Variants in NALCN observed in about 807,000 individuals in gnomAD.
NALCN encodes sodium leak channel NALCN.
In NALCN, 111 loss-of-function variants were observed where a neutral mutation model predicts 225.3. That is an observed-to-expected ratio of 0.49 (90% CI 0.42 to 0.58). The LOEUF is 0.58. Among genes scored for constraint, NALCN ranks in the 20% least tolerant of loss-of-function variants. The pLI is 0.00. For missense variants in NALCN, 1,378 were observed against 2,202.4 expected (o/e 0.63, Z 7.49); for synonymous variants, 764 against 769.0 (o/e 0.99, Z 0.11).
chr13:101,185,038 ATCAATGTCCC>A (rs2039391641), intron 14 of NALCN, among the ~76,000 whole-genome samples: 2 of 152,288 alleles, frequency 1.3e-5, no homozygotes, highest in African/African-American at 4.8e-5. Flanking sequence ...CACAGCAGGA[ATCAATGTCCC>A]ACACTCTTGT....
intron 17 of NALCN, among the ~76,000 whole-genome samples, chr13:101,132,978 A>C (rs767150463): frequency 3.3e-5 from 5 of 152,174 alleles, no homozygotes; most frequent in Non-Finnish European, 7.4e-5. Context: ...ACTGAAAGAG[A>C]TCAATACATT....
At chr13:101,360,125 CTTT>C (rs1417365159) in intron 6 of NALCN, among the ~76,000 whole-genome samples, 1 of 138,946 alleles carries the variant, frequency 7.2e-6, no homozygotes. Context: ...TCTTTCCTTT[CTTT>C]TTTCTTTCTT....
At chr13:101,196,466 G>A (rs1209369183) in intron 13 of NALCN, among the ~76,000 whole-genome samples, 1 of 152,000 alleles carries the variant, frequency 6.6e-6, no homozygotes, top group Non-Finnish European at 1.5e-5. Flanking sequence ...TTCCACAGTT[G>A]CCAAAATTTC....
intron 2 of NALCN, among the ~76,000 whole-genome samples, chr13:101,397,281 A>G (rs1165437199): frequency 6.6e-6 from 1 of 150,386 alleles, no homozygotes; most frequent in African/African-American, 2.4e-5. Flanking sequence ...CAGATCCTGC[A>G]TGTATCATGG....
intron 6 of NALCN, among the ~76,000 whole-genome samples, chr13:101,365,792 C>T (rs2046363030): frequency 6.6e-6 from 1 of 152,116 alleles, no homozygotes; most frequent in Non-Finnish European, 1.5e-5. Context: ...CACCCTACCT[C>T]TGGGCTTAAA....
intron 13 of NALCN, among the ~76,000 whole-genome samples, chr13:101,211,666 A>ATATATATC (rs1555313546): frequency 1.2e-3 from 183 of 150,384 alleles, no homozygotes; most frequent in African/African-American, 4.3e-3. Flanking sequence ...ATATATATAT[A>ATATATATC]TATCTCATGG....
chr13:101,136,539 G>A (rs891367994), intron 17 of NALCN, among the ~76,000 whole-genome samples: 11 of 149,380 alleles, frequency 7.4e-5, no homozygotes, highest in African/African-American at 2.7e-4. Flanking sequence ...CCACCTATGA[G>A]TGAGAACATG....
intron 13 of NALCN, among the ~76,000 whole-genome samples, chr13:101,203,144 T>G (rs1233213853): frequency 6.6e-6 from 1 of 152,240 alleles, no homozygotes; most frequent in African/African-American, 2.4e-5. Context: ...AATAATAATT[T>G]TGAAATCTGC....
chr13:101,406,320 T>C (rs1358473307), intron 1 of NALCN, among the ~76,000 whole-genome samples: 6 of 152,016 alleles, frequency 3.9e-5, no homozygotes, highest in African/African-American at 1.4e-4. Context: ...AGTGAGACTC[T>C]GTCTCAAAAA....
At chr13:101,073,224 C>A (rs1407824751) in intron 37 of NALCN, among the ~76,000 whole-genome samples, 3 of 152,100 alleles carry the variant, frequency 2.0e-5, no homozygotes, top group Non-Finnish European at 4.4e-5. Flanking sequence ...TTGTTGAAGA[C>A]CTAGGGCCTA....
intron 13 of NALCN, among the ~76,000 whole-genome samples, chr13:101,225,941 A>G (rs2041124734): frequency 6.6e-6 from 1 of 152,094 alleles, no homozygotes; most frequent in African/African-American, 2.4e-5. Flanking sequence ...ACCTAAAAAC[A>G]TCTACAGATG....
At chr13:101,306,331 T>C (rs1378988345) in intron 7 of NALCN, among the ~76,000 whole-genome samples, 1 of 152,222 alleles carries the variant, frequency 6.6e-6, no homozygotes, top group East Asian at 1.9e-4. Context: ...CTCCAGACAC[T>C]GGCTTCCATT....
chr13:101,266,389 G>A (rs554588624), intron 10 of NALCN, among the ~76,000 whole-genome samples: 19 of 152,258 alleles, frequency 1.2e-4, no homozygotes, highest in African/African-American at 4.6e-4. Flanking sequence ...AAATGCTTAA[G>A]TACTTCATAA....
chr13:101,296,012 C>T (rs1007649846), intron 7 of NALCN, among the ~76,000 whole-genome samples: 21 of 152,212 alleles, frequency 1.4e-4, no homozygotes, highest in Non-Finnish European at 2.9e-5. Flanking sequence ...GTCCCGCTCT[C>T]GCTGCTGGCC....
chr13:101,255,677 A>G (rs1016692855), intron 11 of NALCN, among the ~76,000 whole-genome samples: 7 of 152,100 alleles, frequency 4.6e-5, no homozygotes, highest in African/African-American at 1.4e-4. Context: ...CCCTCCTCAG[A>G]GCCTTGAACT....
intron 1 of NALCN, among the ~76,000 whole-genome samples, chr13:101,404,464 GAA>G (rs1221225152): frequency 6.6e-6 from 1 of 152,162 alleles, no homozygotes; most frequent in African/African-American, 2.4e-5. Context: ...AAACAAAAAT[GAA>G]AGCCATCAGG....
At chr13:101,364,641 T>C (rs747805413) in intron 6 of NALCN, among the ~76,000 whole-genome samples, 2 of 152,206 alleles carry the variant, frequency 1.3e-5, no homozygotes, top group Non-Finnish European at 2.9e-5. Flanking sequence ...TACAGTCAGA[T>C]AAAATAAATA....
At chr13:101,259,781 C>CCT (rs1555324938) in intron 10 of NALCN, among the ~76,000 whole-genome samples, 1 of 144,844 alleles carries the variant, frequency 6.9e-6, no homozygotes, top group Non-Finnish European at 1.5e-5. Flanking sequence ...TATATATACA[C>CCT]ATATATATTT....
At chr13:101,297,559 G>C (rs142132597) in intron 7 of NALCN, among the ~76,000 whole-genome samples, 1 of 152,204 alleles carries the variant, frequency 6.6e-6, no homozygotes, top group East Asian at 1.9e-4. Flanking sequence ...GTATGCTAGA[G>C]CCCATTCACT....
Sources: allele counts gnomAD v4.1 joint callset (sites outside exome capture counted in the v4.1 genomes callset), GRCh38; gene constraint gnomAD v4.1.1; transcripts MANE v1.5; gene names NCBI Gene and HGNC (gene_info 2026-07-23, HGNC 2026-07-21).